Variants in ATP9A observed in about 807,000 individuals in gnomAD.
The protein encoded by ATP9A is probable phospholipid-transporting ATPase IIA.
A neutral mutation model predicts 144.1 loss-of-function variants in ATP9A; 52 were observed. The observed-to-expected ratio is 0.36, with a 90% CI of 0.29 to 0.45. ATP9A has a LOEUF of 0.45. ATP9A is among the 20% of genes least tolerant of loss of function. The pLI is 1.00. For synonymous variants in ATP9A, 582 were observed against 557.4 expected (o/e 1.04, Z -0.62); for missense variants, 947 against 1,392.7 (o/e 0.68, Z 5.09).
At chr20:51,633,937 A>G (rs1247473866) in intron 15 of ATP9A, among the ~76,000 whole-genome samples, 1 of 149,396 alleles carries the variant, frequency 6.7e-6, no homozygotes, top group African/African-American at 2.5e-5. Context: ...AGAGAGAGGG[A>G]GGGCAGTTTT....
rs1389539642 is a variant in ATP9A at position 51,599,518 on chromosome 20, G to C, written c.*1693C>G. 1.3e-5 allele frequency: 2 copies of C among 152,230 alleles called. No homozygotes were observed. The highest frequency in any genetic ancestry group is 4.8e-5 in the African/African-American group (2 of 41,462). 9.4% of individuals were successfully genotyped at this position (152,230 alleles called of 1,614,324 possible). On this transcript the variant is annotated 3_prime_UTR_variant, in exon 28 of 28. Transcript: ENST00000338821. ...CTGGCAGAAATGGCTGAATCAGATAGAGAAAAGTACTGCAAAACTGCAGAA... is the reference window on the plus strand; with the variant it reads ...CTGGCAGAAATGGCTGAATCAGATACAGAAAAGTACTGCAAAACTGCAGAA...
Position 51,616,482 on chromosome 20 carries a change from C to T in ATP9A, c.2415+1008G>A, listed in dbSNP as rs144221820. Among the ~76,000 whole-genome samples, 282 of 152,276 alleles carry T rather than the reference C, an allele frequency of 1.9e-3. 1 individual carries two copies. The highest frequency in any genetic ancestry group is 6.5e-3 in the African/African-American group (270 of 41,564). ...TACAGGCATGTGCCACCACATCTCA[C>T]TAATTTTTGTATTTTTAGTAGAGAC... is the stretch of plus-strand genomic sequence containing the variant. On this transcript the variant is annotated intron_variant, in intron 22 of 27. Transcript: ENST00000338821.
chr20:51,684,389 A>C (rs1245612718), intron 9 of ATP9A, among the ~76,000 whole-genome samples: 1 of 152,238 alleles, frequency 6.6e-6, no homozygotes, highest in Non-Finnish European at 1.5e-5. Flanking sequence ...CAAAGTGGTC[A>C]TTCACACATA....
intron 1 of ATP9A, among the ~76,000 whole-genome samples, chr20:51,754,228 G>A (rs566459409): frequency 8.5e-5 from 13 of 152,082 alleles, no homozygotes; most frequent in Non-Finnish European, 1.2e-4. Flanking sequence ...AACGCTGGGC[G>A]CGGTGGCTCA....
At chr20:51,663,630 C>T (rs2077420233) in intron 13 of ATP9A, among the ~76,000 whole-genome samples, 1 of 151,414 alleles carries the variant, frequency 6.6e-6, no homozygotes. Flanking sequence ...CCATCTCTAC[C>T]AAAAATACAA....
intron 1 of ATP9A, among the ~76,000 whole-genome samples, chr20:51,761,349 G>A (rs113260597): frequency 7.9e-5 from 12 of 152,320 alleles, no homozygotes; most frequent in African/African-American, 2.6e-4. Context: ...CCAGGTGGCG[G>A]GCTTCCTGTC....
intron 9 of ATP9A, among the ~76,000 whole-genome samples, chr20:51,688,517 G>A (rs1260199793): frequency 3.3e-5 from 5 of 152,010 alleles, no homozygotes; most frequent in South Asian, 2.1e-4. Flanking sequence ...GCTTGAACCC[G>A]GGGGGCGGAG....
chr20:51,657,157 G>A lies in ATP9A; in HGVS notation c.1294-7C>T, dbSNP rs773254102. The A allele has an allele frequency of 1.9e-6, 3 of 1,610,000 alleles. No homozygotes were observed. The South Asian group carries it at 3.3e-5, about 18-fold the overall frequency. The stretch of plus-strand genomic sequence containing the variant: ...CCGGTGGGTCCTGGGATTGCTACAG[G>A]AAGGAGAAATGAACAAGGAAGATGA... On this transcript the variant is annotated splice_region_variant and splice_polypyrimidine_tract_variant and intron_variant, in intron 13 of 27. Transcript: ENST00000338821.
intron 15 of ATP9A, 101 bp from the exon 16 acceptor site, chr20:51,629,173 C>G: frequency 2.4e-6 from 2 of 842,994 alleles, no homozygotes; most frequent in Admixed American, 2.3e-5. Flanking sequence ...GTGCACTTAA[C>G]AGACACCAAT....
chr20:51,752,125 T>TGGAAAGATGTCCCA (rs1298960499), intron 1 of ATP9A, among the ~76,000 whole-genome samples: 1 of 151,886 alleles, frequency 6.6e-6, no homozygotes, highest in African/African-American at 2.4e-5. Flanking sequence ...GTGAATGGTC[T>TGGAAAGATGTCCCA]GGAAAGATGT....
At chr20:51,656,798 G>A in intron 14 of ATP9A, 140 bp downstream of exon 14, 1 of 723,600 alleles carries the variant, frequency 1.4e-6, no homozygotes, top group South Asian at 1.9e-5. Flanking sequence ...TCTTGTATTT[G>A]AAAATGTGTT....
At chr20:51,764,350 T>C (rs1270636115) in intron 1 of ATP9A, among the ~76,000 whole-genome samples, 2 of 152,220 alleles carry the variant, frequency 1.3e-5, no homozygotes, top group Non-Finnish European at 2.9e-5. Context: ...TGTCATAAAA[T>C]GGTTTCCAGC....
At chr20:51,716,070 G>C (rs1423312611) in intron 3 of ATP9A, among the ~76,000 whole-genome samples, 1 of 152,114 alleles carries the variant, frequency 6.6e-6, no homozygotes, top group African/African-American at 2.4e-5. Context: ...GAACTTCCTG[G>C]GGTGATGGAA....
chr20:51,694,182 C>T (rs1361694147), intron 6 of ATP9A, 80 bp from the exon 7 acceptor site: 2 of 1,144,822 alleles, frequency 1.7e-6, no homozygotes, highest in East Asian at 2.5e-5. Context: ...CTGCTCTGGT[C>T]CTTGTAAAAA....
intron 15 of ATP9A, among the ~76,000 whole-genome samples, chr20:51,631,027 C>T (rs2077267784): frequency 6.6e-6 from 1 of 152,142 alleles, no homozygotes; most frequent in Non-Finnish European, 1.5e-5. Flanking sequence ...CCAAAAACCA[C>T]GCTTCTATCT....
chr20:51,696,605 A>T (rs982412058), intron 5 of ATP9A, among the ~76,000 whole-genome samples: 4 of 151,918 alleles, frequency 2.6e-5, no homozygotes, highest in African/African-American at 9.7e-5. Context: ...AAGCCATTCT[A>T]AAAAAAACTG....
At chr20:51,748,785 G>GA (rs1364822809) in intron 1 of ATP9A, among the ~76,000 whole-genome samples, 1 of 152,016 alleles carries the variant, frequency 6.6e-6, no homozygotes, top group East Asian at 1.9e-4. Context: ...TAAACCATTA[G>GA]AAAAAATAAA....
At chr20:51,607,125 A>C (rs2077166680) in intron 26 of ATP9A, among the ~76,000 whole-genome samples, 1 of 152,194 alleles carries the variant, frequency 6.6e-6, no homozygotes, top group Non-Finnish European at 1.5e-5. Context: ...CCAACAGGTC[A>C]TCTTACAACG....
rs550753354 is a variant in ATP9A at position 51,765,930 on chromosome 20, C to T, written c.68+2372G>A. The stretch of plus-strand genomic sequence containing the variant: ...CAAGACCAAGGCATTGCACTCCAGG[C>T]AACAAGAGTGAAACTACATCGTCTC... On this transcript the variant is annotated intron_variant, in intron 1 of 27. Transcript: ENST00000338821. 3.9e-5 allele frequency among the ~76,000 whole-genome samples: 6 copies of T among 152,034 alleles called. No homozygotes were observed. The South Asian group carries it at 1.0e-3, about 26-fold the overall frequency.
Sources: allele counts gnomAD v4.1 joint callset (sites outside exome capture counted in the v4.1 genomes callset), GRCh38; gene constraint gnomAD v4.1.1; transcripts MANE v1.5; gene names NCBI Gene and HGNC (gene_info 2026-07-23, HGNC 2026-07-21).